Variants in MAP3K13 observed in about 807,000 individuals in gnomAD.
MAP3K13 encodes the protein mitogen-activated protein kinase kinase kinase 13, also known as leucine zipper-bearing kinase.
A neutral mutation model predicts 104.0 loss-of-function variants in MAP3K13; 52 were observed. The observed-to-expected ratio is 0.50, with a 90% confidence interval of 0.40 to 0.63. MAP3K13 has a LOEUF of 0.63. Among genes scored for constraint, MAP3K13 ranks in the 20% least tolerant of loss-of-function variants. MAP3K13 has a pLI of 0.00. For missense variants in MAP3K13, 914 were observed against 1,218.5 expected, an observed-to-expected ratio of 0.75 and a Z score of 3.72; for synonymous variants, 394 against 442.2, an observed-to-expected ratio of 0.89 and a Z score of 1.37.
intron 2 of MAP3K13, among the ~76,000 whole-genome samples, chr3:185,312,572 A>T (rs1204415282): frequency 1.3e-5 from 2 of 152,210 alleles, no homozygotes; most frequent in Non-Finnish European, 2.9e-5. Context: ...CTGCCCTAGG[A>T]AGGGGATTAA....
intron 7 of MAP3K13, among the ~76,000 whole-genome samples, chr3:185,455,159 T>A (rs372049118): frequency 1.4e-4 from 7 of 49,228 alleles, no homozygotes; most frequent in African/African-American, 3.6e-4. Context: ...GAGATATATA[T>A]GATATATATG....
Position 185,477,460 on chromosome 3 carries a change from CA to C in MAP3K13, c.2501+65del, listed in dbSNP as rs200649402. The C allele has an allele frequency of 1.3e-3, 1,523 of 1,203,972 alleles. 14 individuals carry two copies. The African/African-American group carries it at 0.019, about 15-fold the overall frequency. 74.6% of individuals were successfully genotyped at this position (1,203,972 alleles called of 1,614,324 possible). Reference sequence around the variant, plus strand: ...TGGGGAAAAAAAATCCTAAGTTTGCCACACCTGCTCTTCAACCACAGGTGAT... The same window carrying C: ...TGGGGAAAAAAAATCCTAAGTTTGCCCACCTGCTCTTCAACCACAGGTGAT... On this transcript the variant is annotated intron_variant, in intron 12 of 13. Coordinates refer to ENST00000265026, the MANE Select transcript of MAP3K13 (RefSeq NM_004721.5).
chr3:185,370,072 A>G (rs550757711), intron 1 of MAP3K13, among the ~76,000 whole-genome samples: 14 of 152,342 alleles, frequency 9.2e-5, no homozygotes, highest in African/African-American at 3.4e-4. Flanking sequence ...TGTTCTTTTT[A>G]ATGCTAACAT....
chr3:185,413,378 C>A (rs1713558710), intron 1 of MAP3K13, among the ~76,000 whole-genome samples: 1 of 152,206 alleles, frequency 6.6e-6, no homozygotes, highest in African/African-American at 2.4e-5. Context: ...ATGGTTGCCA[C>A]TAGCCACATG....
rs1334928110 is a variant in MAP3K13, at chr3:185,450,760, C to A, written c.1170-527C>A. ...GATCAGCTTAGGCAACATAGTGAGA[C>A]CCCGTCTCTGAAAAAAAAATAAAAA... On this transcript the variant is annotated intron_variant, in intron 6 of 13. Transcript: ENST00000265026. This position sits in a 1 kb window ranked among gnomAD's most constrained non-coding sequence, Gnocchi z 4.2. Among the ~76,000 whole-genome samples the A allele has an allele frequency of 1.3e-5, 2 of 151,694 alleles. No homozygotes were observed. The highest frequency in any genetic ancestry group is 2.4e-5 in the African/African-American group (1 of 41,266).
intron 7 of MAP3K13, among the ~76,000 whole-genome samples, chr3:185,455,646 GATATATATATGATATATATATGAT>G (rs1716592772): frequency 1.2e-4 from 1 of 8,102 alleles, no homozygotes; most frequent in Admixed American, 1.6e-3. Context: ...ATATATATGA[GATATATATATGATATATATATGAT>G]ATATATATGA....
chr3:185,310,547 A>G (rs1423552695), intron 2 of MAP3K13, among the ~76,000 whole-genome samples: 3 of 152,192 alleles, frequency 2.0e-5, no homozygotes, highest in Non-Finnish European at 4.4e-5. Flanking sequence ...GAGAAATGTA[A>G]ACTCTAAAAA....
intron 1 of MAP3K13, among the ~76,000 whole-genome samples, chr3:185,408,441 G>A (rs141280900): frequency 2.6e-5 from 4 of 151,900 alleles, no homozygotes; most frequent in East Asian, 1.9e-4. Flanking sequence ...GCATGGTGGC[G>A]CATGCCTGTG....
At position 185,455,831 on chromosome 3, in the gene MAP3K13, A is replaced by AGATATAGAT. The variant is rs1553809017; in HGVS notation, c.1278+4442_1278+4443insGATGATATA. Reference sequence around the variant, plus strand: ...GAGATATATATATGAGATATATATGAGATATATATATGAGATATATATGAG... The same window carrying AGATATAGAT: ...GAGATATATATATGAGATATATATGAGATATAGATGATATATATATGAGATATATATGAG... On this transcript the variant is annotated intron_variant, in intron 7 of 13. Transcript: ENST00000265026. Among the ~76,000 whole-genome samples, 2 of 99,896 alleles carry AGATATAGAT rather than the reference A, an allele frequency of 2.0e-5. 1 individual carries two copies. Among genetic ancestry groups the AGATATAGAT allele is most frequent in the African/African-American group, 6.8e-5 (2 of 29,512 alleles). 65.5% of individuals were successfully genotyped at this position (99,896 alleles called of 152,430 possible).
intron 1 of MAP3K13, among the ~76,000 whole-genome samples, chr3:185,411,056 C>T (rs1713414091): frequency 1.3e-5 from 2 of 152,024 alleles, no homozygotes; most frequent in African/African-American, 4.8e-5. Context: ...AACAATGACT[C>T]CCCCTTCAAA....
chr3:185,421,263 G>A (rs1253566438), intron 1 of MAP3K13, among the ~76,000 whole-genome samples: 9 of 151,692 alleles, frequency 5.9e-5, no homozygotes, highest in African/African-American at 1.5e-4. Flanking sequence ...GCAGCATCTC[G>A]GTTCACTGCA....
At chr3:185,292,573 A>G (rs1015165667) in intron 2 of MAP3K13, 2 of 838,682 alleles carry the variant, frequency 2.4e-6, no homozygotes, top group African/African-American at 3.7e-5. Flanking sequence ...GTGAGGATCA[A>G]ATGAAATAAT....
chr3:185,352,746 TA>T lies in MAP3K13; in HGVS notation c.-86+67109del, dbSNP rs964521174. Among the ~76,000 whole-genome samples, 3 of 152,210 alleles carry T rather than the reference TA, an allele frequency of 2.0e-5. No homozygotes were observed. The East Asian group carries it at 5.8e-4, about 29-fold the overall frequency. On this transcript the variant is annotated intron_variant, in intron 2 of 14. Coordinates refer to the MAP3K13 transcript ENST00000424227. ...TTTATATATTGATGTTCAGAGTATC[TA>T]AAAAAGCACTATGGCCAGCCCCCTT...
At chr3:185,339,132 C>A (rs994962491) in intron 2 of MAP3K13, among the ~76,000 whole-genome samples, 10 of 152,040 alleles carry the variant, frequency 6.6e-5, no homozygotes, top group African/African-American at 2.4e-4. Context: ...CCAGTCTGGC[C>A]AACATGGAGA....
chr3:185,330,046 A>ATTT (rs548813356), intron 2 of MAP3K13, among the ~76,000 whole-genome samples: 14 of 98,276 alleles, frequency 1.4e-4, no homozygotes, highest in African/African-American at 4.4e-4. Flanking sequence ...TGCCTGGCTA[A>ATTT]TTTTTTTTTT....
intron 2 of MAP3K13, among the ~76,000 whole-genome samples, chr3:185,349,448 C>T (rs1354956513): frequency 7.4e-6 from 1 of 134,674 alleles, no homozygotes; most frequent in Non-Finnish European, 1.5e-5. Flanking sequence ...GACATGACTT[C>T]ATTCTTTTTA....
At chr3:185,424,160 C>G (rs1714287580) in intron 1 of MAP3K13, among the ~76,000 whole-genome samples, 1 of 152,140 alleles carries the variant, frequency 6.6e-6, no homozygotes, top group Admixed American at 6.6e-5. Flanking sequence ...GGAAAATAAC[C>G]CGGTATTTCA....
intron 1 of MAP3K13, among the ~76,000 whole-genome samples, chr3:185,412,400 T>A (rs2108787200): frequency 6.6e-6 from 1 of 152,274 alleles, no homozygotes; most frequent in South Asian, 2.1e-4. Context: ...TTATCTAGGA[T>A]CCTTTAGCAG....
intron 2 of MAP3K13, among the ~76,000 whole-genome samples, chr3:185,317,323 C>G (rs1721713371): frequency 6.6e-6 from 1 of 152,134 alleles, no homozygotes; most frequent in Admixed American, 6.5e-5. Context: ...TGTTTCTGCT[C>G]TAAATTGTCC....
Sources: gnomAD v4.1 joint callset for allele counts (sites outside exome capture counted in the v4.1 genomes callset) on GRCh38, gnomAD v4.1.1 for gene constraint, Gnocchi (gnomAD v3.1) non-coding constraint, MANE v1.5 for transcripts, NCBI Gene and HGNC (gene_info 2026-07-23, HGNC 2026-07-21) for gene names.